The following DTNB variants were observed in gnomAD, a reference collection of about 807,000 sequenced individuals.
The protein encoded by DTNB is DTN-B.
A neutral mutation model predicts 90.7 loss-of-function variants in DTNB; 63 were observed. The observed-to-expected ratio is 0.69, with a 90% CI of 0.57 to 0.86. The LOEUF (loss-of-function observed/expected upper bound fraction) is 0.86. DTNB is among the 40% of genes least tolerant of loss of function. The pLI, the probability that DTNB is intolerant of heterozygous loss-of-function variation, is 0.00. For missense variants in DTNB, 744 were observed against 807.1 expected (o/e 0.92, Z 0.95); for synonymous variants, 277 against 286.7 (o/e 0.97, Z 0.34).
chr2:25,480,827 G>A (rs2064788727), intron 10 of DTNB, among the ~76,000 whole-genome samples: 2 of 152,202 alleles, frequency 1.3e-5, no homozygotes, highest in Admixed American at 6.5e-5. Context: ...TCTGGAGTCT[G>A]GGTTTGAATG....
At chr2:25,600,103 TA>T (rs2065548014) in intron 5 of DTNB, among the ~76,000 whole-genome samples, 1 of 152,012 alleles carries the variant, frequency 6.6e-6, no homozygotes, top group South Asian at 2.1e-4. Context: ...ATCTCAAAAA[TA>T]AATAAATAGC....
chr2:25,554,619 C>T (rs1475212046), intron 8 of DTNB, among the ~76,000 whole-genome samples: 7 of 152,148 alleles, frequency 4.6e-5, no homozygotes, highest in Admixed American at 4.6e-4. Flanking sequence ...ACCAGAAAAT[C>T]CACTGAAGCT....
chr2:25,665,160 G>A (rs896536324), intron 1 of DTNB, among the ~76,000 whole-genome samples: 1 of 152,340 alleles, frequency 6.6e-6, no homozygotes, highest in South Asian at 2.1e-4. Flanking sequence ...GGATGTCTCT[G>A]TACATGCCTT....
At chr2:25,601,950 G>A (rs894549332) in intron 5 of DTNB, among the ~76,000 whole-genome samples, 7 of 151,816 alleles carry the variant, frequency 4.6e-5, no homozygotes, top group Non-Finnish European at 7.4e-5. Context: ...GGGGAAACCC[G>A]GCCTCTACTG....
intron 16 of DTNB, among the ~76,000 whole-genome samples, chr2:25,407,312 C>T (rs2045448628): frequency 6.6e-6 from 1 of 152,142 alleles, no homozygotes; most frequent in African/African-American, 2.4e-5. Context: ...AATGCTTATA[C>T]ACTGCTGGTG....
intron 1 of DTNB, among the ~76,000 whole-genome samples, chr2:25,664,858 TTTTC>T (rs2084046368): frequency 6.6e-6 from 1 of 152,154 alleles, no homozygotes; most frequent in Non-Finnish European, 1.5e-5. Context: ...CTAGAGCCCA[TTTTC>T]TTTCTATTGT....
At chr2:25,488,546 TAGG>T (rs1431314380) in intron 9 of DTNB, among the ~76,000 whole-genome samples, 1 of 152,160 alleles carries the variant, frequency 6.6e-6, no homozygotes, top group African/African-American at 2.4e-5. Flanking sequence ...CAGTTGAAAA[TAGG>T]AGAACAGAAC....
chr2:25,592,919 G>A (rs755299980), intron 6 of DTNB, among the ~76,000 whole-genome samples: 6 of 152,174 alleles, frequency 3.9e-5, no homozygotes, highest in Non-Finnish European at 7.3e-5. Flanking sequence ...CTTCAATCCT[G>A]AGCCACTGAT....
chr2:25,647,883 A>G lies in DTNB; in HGVS notation c.67+4711T>C, dbSNP rs142966813. Among the ~76,000 whole-genome samples the G allele has an allele frequency of 2.4e-3, 362 of 152,318 alleles. 1 individual carries two copies. Among genetic ancestry groups the G allele is most frequent in the African/African-American group, 7.1e-3 (296 of 41,572 alleles). On this transcript the variant is annotated intron_variant, in intron 2 of 20. Transcript: ENST00000406818. ...TTATTCTTAAATGCTTACATAAGAA[A>G]AAAAAGGCTGAAAACAAATGGCCTT...
rs376594866 is a variant in DTNB, at chr2:25,580,779, A to T, written c.651T>A (p.Pro217=). The part of the protein sequence containing the change: ...NMFLDTMMAD[P]PPQCLVWLPL... ...GTAGCCAGACAAGGCACTGGGGAGG[A>T]GGGTCAGCCATCATTGTGTCTAAAA... Residue 217 remains proline, a synonymous_variant, in exon 7 of 21, where the codon CCT becomes CCA. Transcript: ENST00000406818. 1.2e-5 allele frequency: 19 copies of T among 1,613,522 alleles called. No individual in the cohort carries two copies. In the Middle Eastern group the frequency reaches 1.2e-3, roughly 98 times the overall value.
chr2:25,489,286 C>T (rs545831988), intron 9 of DTNB, among the ~76,000 whole-genome samples: 1 of 152,234 alleles, frequency 6.6e-6, no homozygotes, highest in South Asian at 2.1e-4. Flanking sequence ...AGATTATATA[C>T]AACTGTATAT....
At chr2:25,600,003 G>C (rs550401191) in intron 5 of DTNB, among the ~76,000 whole-genome samples, 89 of 152,238 alleles carry the variant, frequency 5.8e-4, no homozygotes, top group Admixed American at 2.1e-3. Context: ...GAGACTGAAG[G>C]GGGAGGACCG....
At chr2:25,641,178 T>C (rs760034870) in intron 2 of DTNB, among the ~76,000 whole-genome samples, 75 of 152,184 alleles carry the variant, frequency 4.9e-4, no homozygotes, top group Non-Finnish European at 1.0e-3. Context: ...GGAAAAAGGG[T>C]ACAGAGATTA....
At chr2:25,382,996 G>A in intron 19 of DTNB, among the ~76,000 whole-genome samples, 1 of 152,166 alleles carries the variant, frequency 6.6e-6, no homozygotes, top group East Asian at 1.9e-4. Flanking sequence ...GTGTTAAGCA[G>A]GTTCGATATA....
chr2:25,488,496 T>C (rs911715466), intron 9 of DTNB, among the ~76,000 whole-genome samples: 3 of 152,140 alleles, frequency 2.0e-5, no homozygotes, highest in South Asian at 2.1e-4. Context: ...TGAAGTACCA[T>C]TGATACCATT....
chr2:25,531,293 T>C (rs1371262076), intron 9 of DTNB, among the ~76,000 whole-genome samples, 180 bp downstream of exon 9: 4 of 152,250 alleles, frequency 2.6e-5, no homozygotes, highest in South Asian at 2.1e-4. Context: ...TAGATTTCCA[T>C]GTGGACACTT....
intron 5 of DTNB, among the ~76,000 whole-genome samples, chr2:25,598,304 A>G (rs997022519): frequency 2.0e-5 from 3 of 152,156 alleles, no homozygotes; most frequent in Non-Finnish European, 2.9e-5. Context: ...TCACTCTAGA[A>G]TGGTAGGGGA....
chr2:25,576,222 T>G (rs939140446), intron 8 of DTNB, among the ~76,000 whole-genome samples: 5 of 113,568 alleles, frequency 4.4e-5, no homozygotes, highest in South Asian at 2.8e-4. Flanking sequence ...AACAGTTTTG[T>G]TTTTTTTTTT....
At position 25,667,827 on chromosome 2, in the gene DTNB, T is replaced by C. The variant is rs548083071; in HGVS notation, c.-2+5559A>G. On this transcript the variant is annotated intron_variant, in intron 1 of 20. Transcript: ENST00000406818. ...ACAAAAACCTGCACACGGATGTTTA[T>C]AGCAGTTTTATTCAAAAATTGCCAA... is the stretch of plus-strand genomic sequence containing the variant. Among the ~76,000 whole-genome samples the C allele has an allele frequency of 5.3e-5, 8 of 152,344 alleles. No individual in the cohort carries two copies. In the South Asian group the frequency reaches 1.7e-3, roughly 32 times the overall value.
Sources: gnomAD v4.1 joint callset for allele counts (sites outside exome capture counted in the v4.1 genomes callset) on GRCh38, gnomAD v4.1.1 for gene constraint, MANE v1.5 for transcripts, NCBI Gene and HGNC (gene_info 2026-07-23, HGNC 2026-07-21) for gene names.